The following PLB1 variants were observed in gnomAD, a reference collection of about 807,000 sequenced individuals.
PLB1 encodes phospholipase B1.
Under a neutral mutation model 227.4 loss-of-function variants are expected in PLB1, and 242 were observed. The observed-to-expected ratio is 1.06, with a 90% CI of 0.96 to 1.18. The LOEUF (loss-of-function observed/expected upper bound fraction) is 1.18, where lower values mean the gene tolerates loss of function less well. Ranked by LOEUF, PLB1 falls within the 50% of genes most tolerant of loss-of-function variation. PLB1 has a pLI of 0.00. For synonymous variants in PLB1, 757 were observed against 682.2 expected (o/e 1.11, Z -1.71); for missense variants, 1,858 against 1,816.3 (o/e 1.02, Z -0.42).
intron 1 of PLB1, among the ~76,000 whole-genome samples, chr2:28,503,080 T>C (rs141893339): frequency 6.6e-6 from 1 of 152,316 alleles, no homozygotes; most frequent in African/African-American, 2.4e-5. Context: ...TTTTTGTTTC[T>C]GGTACTGATT....
intron 21 of PLB1, among the ~76,000 whole-genome samples, chr2:28,576,709 G>T (rs889260237): frequency 1.1e-4 from 17 of 152,124 alleles, no homozygotes; most frequent in Admixed American, 5.2e-4. Context: ...CAACCTGGGC[G>T]ATAGCACGAG....
intron 43 of PLB1, among the ~76,000 whole-genome samples, chr2:28,613,105 C>T (rs1214175218): frequency 2.0e-5 from 3 of 151,890 alleles, no homozygotes; most frequent in African/African-American, 2.4e-5. Context: ...TTTAATTTGT[C>T]GTAGAGATGG....
chr2:28,507,833 G>A (rs190347749), intron 1 of PLB1, among the ~76,000 whole-genome samples: 177 of 152,320 alleles, frequency 1.2e-3, no homozygotes, highest in African/African-American at 4.1e-3. Context: ...GTAATTGGTG[G>A]TGTGGTCTCT....
chr2:28,635,750 C>T (rs953730740), intron 56 of PLB1, among the ~76,000 whole-genome samples: 10 of 152,216 alleles, frequency 6.6e-5, no homozygotes, highest in Admixed American at 6.5e-4. Flanking sequence ...TTTCCTCTTC[C>T]TCTGCCTTCT....
At chr2:28,505,812 G>A (rs55961670) in intron 1 of PLB1, among the ~76,000 whole-genome samples, 2,547 of 152,246 alleles carry the variant, frequency 0.017, 29 homozygotes, top group Middle Eastern at 0.034. Context: ...AATTATTGAT[G>A]CAAGATCAGG....
At chr2:28,622,433 C>T (rs148923285) in intron 49 of PLB1, among the ~76,000 whole-genome samples, 233 of 152,330 alleles carry the variant, frequency 1.5e-3, no homozygotes, top group Non-Finnish European at 2.4e-3. Flanking sequence ...TAGTACCACA[C>T]ATAATACCCA....
intron 17 of PLB1, among the ~76,000 whole-genome samples, chr2:28,553,578 G>T (rs1399581972): frequency 6.6e-6 from 1 of 152,216 alleles, no homozygotes; most frequent in Non-Finnish European, 1.5e-5. Flanking sequence ...GGTAGCCTGG[G>T]TGTGATAGCT....
intron 20 of PLB1, among the ~76,000 whole-genome samples, 180 bp from the exon 21 acceptor site, chr2:28,573,017 T>C (rs1312489605): frequency 6.6e-6 from 1 of 152,218 alleles, no homozygotes; most frequent in East Asian, 1.9e-4. Context: ...TGTCGTGTGC[T>C]GCCCTGTCGT....
At chr2:28,594,225 TA>T in intron 33 of PLB1, 1 of 313,444 alleles carries the variant, frequency 3.2e-6, no homozygotes, top group Non-Finnish European at 6.6e-6. Flanking sequence ...CGAGAGGCCA[TA>T]ACCAAGACAC....
Position 28,541,691 on chromosome 2 carries a change from C to T in PLB1, c.775-16C>T. 1 of 1,604,100 alleles carries T rather than the reference C, an allele frequency of 6.2e-7. No individual in the cohort carries two copies. Among genetic ancestry groups the T allele is most frequent in the Non-Finnish European group, 8.5e-7 (1 of 1,171,472 alleles). ...CTCATGTTCCTGGATGGGCACCTCT[C>T]TGCTCCCTTCTCCAGGAAGCCTGGA... On this transcript the variant is annotated splice_polypyrimidine_tract_variant and intron_variant, in intron 12 of 57. Transcript: ENST00000327757.
intron 36 of PLB1, 118 bp from the exon 37 acceptor site, chr2:28,601,134 C>A (rs1436627244): frequency 2.5e-5 from 22 of 878,308 alleles, no homozygotes; most frequent in Non-Finnish European, 3.7e-5. Context: ...TTCAGAGATG[C>A]TGATTCCATT....
rs1307105670 is a variant in PLB1 at position 28,614,090 on chromosome 2, C to T, written c.3189C>T (p.Ala1063=). The T allele has an allele frequency of 8.7e-6, 14 of 1,611,870 alleles. No homozygotes were observed. The highest frequency in any genetic ancestry group is 1.0e-5 in the Non-Finnish European group (12 of 1,178,168). The stretch of plus-strand genomic sequence containing the variant: ...ACTACACGTACCCCATCAAGCCAGC[C>T]ATTGAGGTAACCCCTGACTCACATC... ...NSNYTYPIKP[A]IENWGSDFLC... The change falls in exon 44 of 58, where the codon GCC becomes GCT. Residue 1063 remains alanine, a synonymous_variant. Transcript: ENST00000327757.
intron 28 of PLB1, 104 bp from the exon 29 acceptor site, chr2:28,589,901 A>C: frequency 1.5e-6 from 2 of 1,326,562 alleles, no homozygotes; most frequent in Non-Finnish European, 2.2e-6. Flanking sequence ...AACAAACCCC[A>C]TCTCCTTCAT....
intron 4 of PLB1, among the ~76,000 whole-genome samples, chr2:28,523,412 A>G (rs917941138): frequency 1.2e-4 from 17 of 137,390 alleles, no homozygotes; most frequent in African/African-American, 4.4e-4. Flanking sequence ...AATTCACTCT[A>G]TCAAATTCCT....
chr2:28,637,352 G>C (rs1216614841), intron 56 of PLB1, among the ~76,000 whole-genome samples: 1 of 151,706 alleles, frequency 6.6e-6, no homozygotes, highest in Non-Finnish European at 1.5e-5. Flanking sequence ...TGCCTGACCG[G>C]GCTTATCCCC....
Position 28,532,605 on chromosome 2 carries a change from A to G in PLB1, c.555+411A>G, listed in dbSNP as rs186474557. Among the ~76,000 whole-genome samples, 6 of 152,338 alleles carry G rather than the reference A, an allele frequency of 3.9e-5. No homozygotes were observed. In the East Asian group the frequency reaches 1.2e-3, roughly 29 times the overall value. On this transcript the variant is annotated intron_variant, in intron 9 of 57. Transcript: ENST00000327757. ...ATCCCTCATATCAGGAAAAGGAAATAGAGGCATAGATAAGCTGAGTCAACA... is the reference window on the plus strand; with the variant it reads ...ATCCCTCATATCAGGAAAAGGAAATGGAGGCATAGATAAGCTGAGTCAACA...
intron 21 of PLB1, among the ~76,000 whole-genome samples, chr2:28,575,408 T>C (rs1372404017): frequency 1.3e-5 from 2 of 152,180 alleles, no homozygotes; most frequent in South Asian, 2.1e-4. Flanking sequence ...CACACTACCA[T>C]GTGGTTCCTA....
intron 35 of PLB1, 44 bp downstream of exon 35, chr2:28,598,804 G>C: frequency 6.7e-7 from 1 of 1,497,110 alleles, no homozygotes; most frequent in East Asian, 2.3e-5. Context: ...GCAGGGAGTG[G>C]AATGTGGATA....
At chr2:28,596,531 A>G (rs13026552) in intron 33 of PLB1, among the ~76,000 whole-genome samples, 42,997 of 152,176 alleles carry the variant, frequency 0.28, 7,861 homozygotes, top group Non-Finnish European at 0.41. Context: ...TCTTTATTGA[A>G]GGAGAAAAGG....
Sources: gnomAD v4.1 joint callset for allele counts (sites outside exome capture counted in the v4.1 genomes callset) on GRCh38, gnomAD v4.1.1 for gene constraint, MANE v1.5 for transcripts, NCBI Gene and HGNC (gene_info 2026-07-23, HGNC 2026-07-21) for gene names.